The following TENM3 variants were observed in gnomAD, a reference collection of about 807,000 sequenced individuals.
The protein encoded by TENM3 is teneurin-3.
In TENM3, 63 loss-of-function variants were observed where a neutral mutation model predicts 255.1. The ratio of observed to expected loss-of-function variants is 0.25; its 90% confidence interval spans 0.20 to 0.30. The LOEUF (loss-of-function observed/expected upper bound fraction) is 0.30. Ranked by LOEUF, TENM3 falls within the 10% of genes least tolerant of loss-of-function variation. The pLI, the probability that TENM3 is intolerant of heterozygous loss-of-function variation, is 1.00. For synonymous variants in TENM3, 1,306 were observed against 1,322.3 expected (o/e 0.99, Z 0.27); for missense variants, 2,929 against 3,461.1 (o/e 0.85, Z 3.86).
intron 3 of TENM3, among the ~76,000 whole-genome samples, chr4:182,545,604 C>T (rs1254784007): frequency 6.6e-6 from 1 of 152,070 alleles, no homozygotes; most frequent in Non-Finnish European, 1.5e-5. Context: ...CTTGGGCCTT[C>T]TCCTGTTTTG....
At chr4:182,538,919 C>G (rs985929624) in intron 3 of TENM3, among the ~76,000 whole-genome samples, 4 of 151,968 alleles carry the variant, frequency 2.6e-5, no homozygotes, top group South Asian at 2.1e-4. Context: ...TGTGAACATT[C>G]TGAAGTTGAG....
upstream of TENM3, chr4:182,143,748 C>G (rs1487164273): frequency 6.5e-6 from 1 of 153,258 alleles, no homozygotes. This position sits in a 1 kb window ranked among gnomAD's most constrained non-coding sequence, Gnocchi z 4.3. Context: ...GCAGTAAGTT[C>G]ATTAGTGTTT....
the TENM3 span, among the ~76,000 whole-genome samples, chr4:181,572,340 C>T: frequency 1.3e-5 from 2 of 152,096 alleles, no homozygotes; most frequent in Non-Finnish European, 2.9e-5. Context: ...GGCATTGACA[C>T]ATTTTCTTCT....
the TENM3 span, among the ~76,000 whole-genome samples, chr4:181,520,742 A>C: frequency 6.6e-6 from 1 of 152,128 alleles, no homozygotes; most frequent in African/African-American, 2.4e-5. Context: ...CCTAATGAAA[A>C]TGAAGATATG....
chr4:181,737,382 A>G, the TENM3 span, among the ~76,000 whole-genome samples: 1 of 152,182 alleles, frequency 6.6e-6, no homozygotes, highest in East Asian at 1.9e-4. Context: ...GGCTAAAAGT[A>G]CAAAAGTGTG....
At chr4:182,176,155 A>ACAC (rs35793088) in intron 1 of TENM3, among the ~76,000 whole-genome samples, 121,067 of 151,832 alleles carry the variant, frequency 0.8, 48,892 homozygotes, top group African/African-American at 0.88. Flanking sequence ...AAAAGACACA[A>ACAC]TGAGTGTAGG....
the TENM3 span, among the ~76,000 whole-genome samples, chr4:181,943,807 C>T: frequency 6.6e-6 from 1 of 152,136 alleles, no homozygotes; most frequent in African/African-American, 2.4e-5. Context: ...GCAATCACCC[C>T]AATTATTCAA....
the TENM3 span, among the ~76,000 whole-genome samples, chr4:181,818,437 C>T: frequency 3.3e-5 from 5 of 152,070 alleles, no homozygotes; most frequent in Non-Finnish European, 5.9e-5. Context: ...CCTGACGGCC[C>T]GCCCTATAGA....
chr4:182,102,856 C>T, the TENM3 span, among the ~76,000 whole-genome samples: 1 of 152,148 alleles, frequency 6.6e-6, no homozygotes, highest in African/African-American at 2.4e-5. Flanking sequence ...TGAGATAAGA[C>T]ACATCAAGTA....
intron 1 of TENM3, among the ~76,000 whole-genome samples, chr4:182,295,257 T>TTTTC (rs1213454595): frequency 2.2e-4 from 29 of 131,452 alleles, no homozygotes; most frequent in Non-Finnish European, 3.0e-4. Flanking sequence ...TGTGCTTTGC[T>TTTTC]TTTCTTTTTT....
intron 3 of TENM3, among the ~76,000 whole-genome samples, chr4:182,596,127 A>T (rs1747192459): frequency 6.6e-6 from 1 of 152,170 alleles, no homozygotes; most frequent in Non-Finnish European, 1.5e-5. Flanking sequence ...AAGTACCAGA[A>T]GATCCAAAAA....
the TENM3 span, among the ~76,000 whole-genome samples, chr4:181,697,987 G>A: frequency 6.6e-6 from 1 of 151,850 alleles, no homozygotes; most frequent in African/African-American, 2.4e-5. Flanking sequence ...GGCCAAGGCG[G>A]GCGGATCATG....
At chr4:182,686,818 TACC>T (rs1756613572) in intron 11 of TENM3, among the ~76,000 whole-genome samples, 1 of 152,098 alleles carries the variant, frequency 6.6e-6, no homozygotes, top group Admixed American at 6.5e-5. Context: ...ATAAAAAGGG[TACC>T]TCAGAAAGAA....
At chr4:181,543,355 A>T in the TENM3 span, among the ~76,000 whole-genome samples, 1 of 152,082 alleles carries the variant, frequency 6.6e-6, no homozygotes, top group East Asian at 1.9e-4. Context: ...GAAGAGGAGG[A>T]GGAGGAGTAG....
At chr4:182,509,481 A>G (rs1238105310) in intron 3 of TENM3, among the ~76,000 whole-genome samples, 7 of 152,096 alleles carry the variant, frequency 4.6e-5, no homozygotes, top group Admixed American at 4.6e-4. Context: ...TGAGAATATT[A>G]TTTCCTAGTT....
the TENM3 span, among the ~76,000 whole-genome samples, chr4:181,750,323 T>C: frequency 2.6e-5 from 4 of 152,292 alleles, no homozygotes; most frequent in African/African-American, 9.6e-5. Flanking sequence ...TCCTAAATGA[T>C]GAAAAAGTTA....
rs867565707 is a variant in TENM3 at position 182,335,290 on chromosome 4, A to G, written c.232+11038A>G. On this transcript the variant is annotated intron_variant, in intron 2 of 27. Coordinates refer to ENST00000511685, the MANE Select transcript of TENM3 (RefSeq NM_001080477.4). ...GAGGCGGGCGGATCACGAGGTCAGGAGATCGAGACCATCCTGTGAATGGTG... is the reference window on the plus strand; with the variant it reads ...GAGGCGGGCGGATCACGAGGTCAGGGGATCGAGACCATCCTGTGAATGGTG... 6.3e-5 allele frequency among the ~76,000 whole-genome samples: 6 copies of G among 94,970 alleles called. 1 individual carries two copies. The highest frequency in any genetic ancestry group is 2.3e-4 in the African/African-American group (6 of 26,134). The allele number at this position is 94,970 out of a possible 152,430, so 62.3% of individuals were successfully genotyped here.
At chr4:181,527,617 C>T in the TENM3 span, among the ~76,000 whole-genome samples, 1 of 149,088 alleles carries the variant, frequency 6.7e-6, no homozygotes, top group East Asian at 2.0e-4. Context: ...CATGCCCAGC[C>T]AGGTTTTGTT....
the TENM3 span, among the ~76,000 whole-genome samples, chr4:182,055,397 A>G: frequency 6.8e-6 from 1 of 146,064 alleles, no homozygotes; most frequent in East Asian, 1.9e-4. Context: ...CAGATGCTAC[A>G]TGTTCCCCTC....
Sources: allele counts gnomAD v4.1 joint callset (sites outside exome capture counted in the v4.1 genomes callset), GRCh38; gene constraint gnomAD v4.1.1; non-coding constraint Gnocchi (gnomAD v3.1); transcripts MANE v1.5; gene names NCBI Gene and HGNC (gene_info 2026-07-23, HGNC 2026-07-21).